Variants in BICC1 observed in about 807,000 individuals in gnomAD.
The protein encoded by BICC1 is BicC family RNA binding protein 1, also known as protein bicaudal C homolog 1.
Under a neutral mutation model 111.0 loss-of-function variants are expected in BICC1, and 43 were observed. That is an observed-to-expected ratio of 0.39 (90% CI 0.30 to 0.50). The LOEUF is 0.50. BICC1 is among the 20% of genes least tolerant of loss of function. BICC1 has a pLI of 0.88. For synonymous variants in BICC1, 467 were observed against 434.4 expected, an observed-to-expected ratio of 1.07 and a Z score of -0.93; for missense variants, 1,091 against 1,203.2, an observed-to-expected ratio of 0.91 and a Z score of 1.38.
chr10:58,806,942 C>T (rs1367462386), intron 16 of BICC1, 62 bp from the exon 17 acceptor site: 2 of 1,417,688 alleles, frequency 1.4e-6, no homozygotes, highest in Non-Finnish European at 1.9e-6. Flanking sequence ...CACTTATCAT[C>T]AGTATTTTAT....
At chr10:58,515,210 T>G (rs1427198) in intron 1 of BICC1, among the ~76,000 whole-genome samples, 77,685 of 152,096 alleles carry the variant, frequency 0.51, 20,309 homozygotes, top group African/African-American at 0.61. Flanking sequence ...AGTAATAGTT[T>G]CTTTTACAGA....
chr10:58,708,566 A>G (rs1048186960), intron 3 of BICC1, among the ~76,000 whole-genome samples: 8 of 152,198 alleles, frequency 5.3e-5, no homozygotes, highest in Admixed American at 2.0e-4. Context: ...AGGGTTTTAT[A>G]GACAGGCTTG....
chr10:58,752,204 G>A (rs1478920771), intron 3 of BICC1, among the ~76,000 whole-genome samples: 5 of 152,140 alleles, frequency 3.3e-5, no homozygotes, highest in Non-Finnish European at 7.4e-5. Context: ...GTGTAAAAGA[G>A]CCTCACAGTG....
chr10:58,773,108 G>A (rs536711157), intron 3 of BICC1, among the ~76,000 whole-genome samples: 1 of 152,318 alleles, frequency 6.6e-6, no homozygotes, highest in South Asian at 2.1e-4. Flanking sequence ...AGAAAATAAA[G>A]AGGAAACTGC....
At chr10:58,733,183 T>G (rs1841369852) in intron 3 of BICC1, among the ~76,000 whole-genome samples, 1 of 152,234 alleles carries the variant, frequency 6.6e-6, no homozygotes, top group Non-Finnish European at 1.5e-5. Flanking sequence ...CACCTGTAAC[T>G]CTAATTTCCA....
At chr10:58,571,221 C>T (rs1483292802) in intron 1 of BICC1, among the ~76,000 whole-genome samples, 1 of 152,134 alleles carries the variant, frequency 6.6e-6, no homozygotes. Flanking sequence ...TGGAAGAAAA[C>T]TTTGTTTTCC....
chr10:58,690,876 A>G (rs1839888379), intron 2 of BICC1, among the ~76,000 whole-genome samples: 1 of 152,202 alleles, frequency 6.6e-6, no homozygotes, highest in Non-Finnish European at 1.5e-5. Flanking sequence ...AGTCTTATGA[A>G]AAATTGGAGA....
intron 1 of BICC1, among the ~76,000 whole-genome samples, chr10:58,563,299 A>G (rs1471326307): frequency 6.6e-6 from 1 of 152,016 alleles, no homozygotes; most frequent in Non-Finnish European, 1.5e-5. Flanking sequence ...TTCTCTGGGG[A>G]GCAGTGCAGC....
chr10:58,571,671 A>C (rs1843956168), intron 1 of BICC1, among the ~76,000 whole-genome samples: 3 of 152,202 alleles, frequency 2.0e-5, no homozygotes, highest in African/African-American at 7.2e-5. Flanking sequence ...ACATGATCTC[A>C]TTCCTTTTTA....
At chr10:58,640,643 G>A (rs1838095334) in intron 2 of BICC1, among the ~76,000 whole-genome samples, 1 of 152,176 alleles carries the variant, frequency 6.6e-6, no homozygotes, top group Admixed American at 6.5e-5. Context: ...GAGCCCACTA[G>A]TGTGTGGCAG....
At chr10:58,672,456 C>A (rs1432984271) in intron 2 of BICC1, among the ~76,000 whole-genome samples, 8 of 152,140 alleles carry the variant, frequency 5.3e-5, no homozygotes, top group Non-Finnish European at 8.8e-5. Flanking sequence ...TTTTGTGTTA[C>A]CCCATTTGAT....
Position 58,809,848 on chromosome 10 carries a change from G to A in BICC1, c.2376+2690G>A, listed in dbSNP as rs1843845049. Among the ~76,000 whole-genome samples the A allele has an allele frequency of 2.6e-5, 4 of 152,144 alleles. No individual in the cohort carries two copies. In the South Asian group the frequency reaches 8.3e-4, roughly 32 times the overall value. ...AAAGAGGGGCCCAGAATGGCTAAGTGTCTTACTCAAGGTTACTTATACTCC... is the reference window on the plus strand; with the variant it reads ...AAAGAGGGGCCCAGAATGGCTAAGTATCTTACTCAAGGTTACTTATACTCC... On this transcript the variant is annotated intron_variant, in intron 17 of 20. Coordinates refer to ENST00000373886, the MANE Select transcript of BICC1 (RefSeq NM_001080512.3).
At chr10:58,826,026 A>G (rs943266300) in intron 20 of BICC1, among the ~76,000 whole-genome samples, 4 of 152,150 alleles carry the variant, frequency 2.6e-5, no homozygotes, top group African/African-American at 7.2e-5. Context: ...TTGAGAAGCC[A>G]TTGCTGCAGC....
intron 3 of BICC1, among the ~76,000 whole-genome samples, chr10:58,729,761 T>C (rs965221138): frequency 3.3e-5 from 5 of 152,148 alleles, no homozygotes; most frequent in Non-Finnish European, 5.9e-5. Flanking sequence ...TACACACTTT[T>C]AAACAACCAC....
rs563740720 is a variant in BICC1 at position 58,589,030 on chromosome 10, G to A, written c.191-31825G>A. On this transcript the variant is annotated intron_variant, in intron 1 of 20. Coordinates refer to ENST00000373886, the MANE Select transcript of BICC1 (RefSeq NM_001080512.3). ...CCTGTGACTGCTGTCCAAGGACACC[G>A]GCAGCCAAGGAACCTCTCTCACAGT... Among the ~76,000 whole-genome samples the A allele has an allele frequency of 6.6e-5, 10 of 152,216 alleles. No homozygotes were observed. In the South Asian group the frequency reaches 1.7e-3, roughly 25 times the overall value.
chr10:58,544,605 T>G (rs547456004), intron 1 of BICC1, among the ~76,000 whole-genome samples: 1 of 152,174 alleles, frequency 6.6e-6, no homozygotes, highest in African/African-American at 2.4e-5. Flanking sequence ...AGTTTTACAT[T>G]GTGTGTTACA....
At chr10:58,633,075 T>A (rs938878373) in intron 2 of BICC1, among the ~76,000 whole-genome samples, 1 of 152,038 alleles carries the variant, frequency 6.6e-6, no homozygotes, top group African/African-American at 2.4e-5. Flanking sequence ...TGGGGCCAGG[T>A]GGAGATAACT....
chr10:58,818,177 AAT>A (rs1254432342), intron 19 of BICC1, among the ~76,000 whole-genome samples: 1 of 152,096 alleles, frequency 6.6e-6, no homozygotes, highest in Non-Finnish European at 1.5e-5. Flanking sequence ...GTTCTTACAG[AAT>A]ATATGTTTTT....
chr10:58,594,516 C>T (rs565325561), intron 1 of BICC1, among the ~76,000 whole-genome samples: 75 of 152,306 alleles, frequency 4.9e-4, no homozygotes, highest in African/African-American at 7.2e-4. Context: ...ATCAGACTAA[C>T]AGCGGATCTC....
Sources: allele counts gnomAD v4.1 joint callset (sites outside exome capture counted in the v4.1 genomes callset), GRCh38; gene constraint gnomAD v4.1.1; transcripts MANE v1.5; gene names NCBI Gene and HGNC (gene_info 2026-07-23, HGNC 2026-07-21).